Variants in EIF4ENIF1 observed in about 807,000 individuals in gnomAD.
EIF4ENIF1 encodes the protein eukaryotic translation initiation factor 4E transporter.
In EIF4ENIF1, 23 loss-of-function variants were observed where a neutral mutation model predicts 110.5. The ratio of observed to expected loss-of-function variants is 0.21; its 90% CI spans 0.15 to 0.29. The LOEUF is 0.29. EIF4ENIF1 is among the 10% of genes least tolerant of loss of function. The pLI, the probability that EIF4ENIF1 is intolerant of heterozygous loss-of-function variation, is 1.00. For synonymous variants in EIF4ENIF1, 440 were observed against 437.0 expected, an observed-to-expected ratio of 1.01 and a Z score of -0.09; for missense variants, 1,031 against 1,221.1, an observed-to-expected ratio of 0.84 and a Z score of 2.32.
At chr22:31,467,532 T>C (rs1310466255) in intron 4 of EIF4ENIF1, among the ~76,000 whole-genome samples, 1 of 152,100 alleles carries the variant, frequency 6.6e-6, no homozygotes, top group Admixed American at 6.6e-5. Flanking sequence ...AATTAAGAAT[T>C]GCCAGAACTA....
chr22:31,477,719 A>G (rs2051643379), intron 2 of EIF4ENIF1, among the ~76,000 whole-genome samples: 1 of 152,194 alleles, frequency 6.6e-6, no homozygotes, highest in South Asian at 2.1e-4. Context: ...GACCAAATAC[A>G]ATGGCTAAAA....
In EIF4ENIF1 at chr22:31,450,801, TACACATACATATAC is replaced by T. The variant is rs1369500187; in HGVS notation, c.1513-455_1513-442del. 3.0e-3 allele frequency: 575 copies of T among 188,574 alleles called. 17 individuals carry two copies. Among genetic ancestry groups the T allele is most frequent in the Admixed American group, 0.03 (509 of 17,100 alleles). The allele number at this position is 188,574 out of a possible 1,614,324, so 11.7% of individuals were successfully genotyped here. A position where few individuals can be genotyped will look rare whatever the true frequency, so the allele number is the denominator to read the frequency against. On this transcript the variant is annotated intron_variant, in intron 10 of 18. Transcript: ENST00000330125. ...ATACACACACATATACACATATACA[TACACATACATATAC>T]ACACATACATACACACATATATATA...
At chr22:31,486,645 G>A (rs895134717) in intron 2 of EIF4ENIF1, among the ~76,000 whole-genome samples, 3 of 147,748 alleles carry the variant, frequency 2.0e-5, no homozygotes, top group African/African-American at 7.5e-5. Context: ...TGGGCATGGT[G>A]GCGCACGCCT....
intron 10 of EIF4ENIF1, among the ~76,000 whole-genome samples, chr22:31,451,775 C>T (rs1187619257): frequency 1.3e-5 from 2 of 151,596 alleles, no homozygotes; most frequent in South Asian, 2.1e-4. Context: ...TATAGGTGTA[C>T]ACCACCAGGC....
At chr22:31,474,698 CAT>C (rs1437595066) in intron 2 of EIF4ENIF1, among the ~76,000 whole-genome samples, 2 of 151,964 alleles carry the variant, frequency 1.3e-5, no homozygotes, top group African/African-American at 4.8e-5. Flanking sequence ...CATATACACA[CAT>C]ATATATACAC....
At chr22:31,449,612 G>A in intron 11 of EIF4ENIF1, 81 bp from the exon 12 acceptor site, 1 of 1,336,470 alleles carries the variant, frequency 7.5e-7, no homozygotes, top group Non-Finnish European at 1.0e-6. Flanking sequence ...TAACTTTTGA[G>A]AGCCACAAGA....
Position 31,448,194 on chromosome 22 carries a change from A to G in EIF4ENIF1, c.1807T>C (p.Phe603Leu), listed in dbSNP as rs2050535408. The G allele has an allele frequency of 1.9e-6, 3 of 1,614,040 alleles. No individual in the cohort carries two copies. The highest frequency in any genetic ancestry group is 3.3e-4 in the Middle Eastern group (2 of 6,084). The change falls in exon 13 of 19, where the codon TTC becomes CTC. Residue 603 changes from phenylalanine (F) to leucine (L), a missense_variant. Coordinates refer to ENST00000330125, the MANE Select transcript of EIF4ENIF1 (RefSeq NM_019843.4). ...CTCATGGGTTTGCGCATGCCTTGGA[A>G]TGGATCTCCGAGTAGCTGCTGTGGT... ...PGPQQLLGDPFQGMRKPMSPI... is the reference protein window; with the variant it reads ...PGPQQLLGDPLQGMRKPMSPI...
rs1196724433 is a variant in EIF4ENIF1, at chr22:31,450,841, T to TAAC, written c.1513-482_1513-481insGTT. ...ACACATACATACACACATATATATATACTACACACACACACACACACACAC... is the reference window on the plus strand; with the variant it reads ...ACACATACATACACACATATATATATAACACTACACACACACACACACACACAC... On this transcript the variant is annotated intron_variant, in intron 10 of 18. Transcript: ENST00000330125. The TAAC allele has an allele frequency of 7.5e-5, 6 of 80,288 alleles. No homozygotes were observed. The South Asian group carries it at 1.3e-3, about 17-fold the overall frequency. 5.0% of individuals were successfully genotyped at this position (80,288 alleles called of 1,614,324 possible). A position where few individuals can be genotyped will look rare whatever the true frequency, so the allele number is the denominator to read the frequency against.
intron 6 of EIF4ENIF1, chr22:31,461,923 A>G (rs2051007617): frequency 6.7e-6 from 1 of 149,088 alleles, no homozygotes; most frequent in African/African-American, 2.4e-5. Flanking sequence ...TTGCTCATCT[A>G]TGAAATGGGC....
At position 31,470,942 on chromosome 22, in the gene EIF4ENIF1, G is replaced by A. The variant is rs1601623607; in HGVS notation, c.170+902C>T. On this transcript the variant is annotated intron_variant, in intron 3 of 18. Transcript: ENST00000330125. Reference sequence around the variant, plus strand: ...CAGGAGAATCGCTTGAACCTGGGAGGTGGAGGTTGCAGTGAGCCCAGATCG... The same window carrying A: ...CAGGAGAATCGCTTGAACCTGGGAGATGGAGGTTGCAGTGAGCCCAGATCG... Among the ~76,000 whole-genome samples the A allele has an allele frequency of 1.3e-5, 2 of 151,246 alleles. 1 individual carries two copies.
intron 2 of EIF4ENIF1, among the ~76,000 whole-genome samples, chr22:31,485,035 A>G (rs1348363327): frequency 6.6e-6 from 1 of 152,198 alleles, no homozygotes; most frequent in Non-Finnish European, 1.5e-5. Flanking sequence ...TAATCATTTC[A>G]AGCTCTCTTT....
chr22:31,465,129 G>A (rs1388698382), intron 4 of EIF4ENIF1, among the ~76,000 whole-genome samples: 1 of 151,950 alleles, frequency 6.6e-6, no homozygotes, highest in East Asian at 1.9e-4. Context: ...TTCGAGACTA[G>A]CCTGACCAAC....
chr22:31,488,754 T>C lies in EIF4ENIF1; in HGVS notation c.-27-9A>G. On this transcript the variant is annotated splice_polypyrimidine_tract_variant and intron_variant, in intron 1 of 18. Transcript: ENST00000330125. ...TCTACAATGCTCTGCACCTGGAAGATAAATCGGCACAAAATTGTCACCGAG... is the reference window on the plus strand; with the variant it reads ...TCTACAATGCTCTGCACCTGGAAGACAAATCGGCACAAAATTGTCACCGAG... The C allele has an allele frequency of 6.3e-7, 1 of 1,592,206 alleles. No homozygotes were observed. Among genetic ancestry groups the C allele is most frequent in the Non-Finnish European group, 8.5e-7 (1 of 1,171,464 alleles).
chr22:31,475,649 G>A lies in EIF4ENIF1; in HGVS notation c.97-3732C>T, dbSNP rs77791344. 2.6e-3 allele frequency among the ~76,000 whole-genome samples: 389 copies of A among 151,806 alleles called. 1 individual carries two copies. Among genetic ancestry groups the A allele is most frequent in the African/African-American group, 9.2e-3 (379 of 41,356 alleles). On this transcript the variant is annotated intron_variant, in intron 2 of 18. Transcript: ENST00000330125. ...CGCCTGTAATCCCAGCTACCTGTAGGGAGGCTGAGGTTGCAGTGATCTGAG... is the reference window on the plus strand; with the variant it reads ...CGCCTGTAATCCCAGCTACCTGTAGAGAGGCTGAGGTTGCAGTGATCTGAG...
In EIF4ENIF1 at chr22:31,439,749, G is replaced by A. The variant is rs2050234169; in HGVS notation, c.*131C>T. Reference sequence around the variant, plus strand: ...CATCATAATGCGGACCACACCAGATGCATGGGTTCCACCAAACAGCTTCAC... The same window carrying A: ...CATCATAATGCGGACCACACCAGATACATGGGTTCCACCAAACAGCTTCAC... On this transcript the variant is annotated 3_prime_UTR_variant, in exon 19 of 19. Coordinates refer to ENST00000330125, the MANE Select transcript of EIF4ENIF1 (RefSeq NM_019843.4). The A allele has an allele frequency of 7.6e-7, 1 of 1,313,062 alleles. No homozygotes were observed. The highest frequency in any genetic ancestry group is 1.5e-5 in the African/African-American group (1 of 68,082). The allele number at this position is 1,313,062 out of a possible 1,614,324, so 81.3% of individuals were successfully genotyped here. A position where few individuals can be genotyped will look rare whatever the true frequency, so the allele number is the denominator to read the frequency against.
At chr22:31,471,224 TGAG>T (rs2051365840) in intron 3 of EIF4ENIF1, among the ~76,000 whole-genome samples, 1 of 150,952 alleles carries the variant, frequency 6.6e-6, no homozygotes, top group African/African-American at 2.4e-5. Flanking sequence ...AGAGCGCCCC[TGAG>T]CAGCATACCT....
intron 6 of EIF4ENIF1, among the ~76,000 whole-genome samples, chr22:31,462,447 T>A (rs1459262453): frequency 6.7e-6 from 1 of 150,298 alleles, no homozygotes; most frequent in Non-Finnish European, 1.5e-5. Context: ...ATGGTGCCAC[T>A]GCACTCCAGC....
intron 5 of EIF4ENIF1, 136 bp from the exon 6 acceptor site, chr22:31,463,269 C>T (rs2051057990): frequency 1.3e-6 from 1 of 765,260 alleles, no homozygotes; most frequent in African/African-American, 1.8e-5. Flanking sequence ...CCACCCCCAC[C>T]CCTTCCTCCC....
At chr22:31,482,449 C>T (rs572729793) in intron 2 of EIF4ENIF1, among the ~76,000 whole-genome samples, 2 of 151,034 alleles carry the variant, frequency 1.3e-5, no homozygotes, top group Admixed American at 6.6e-5. Flanking sequence ...TGGCAGGCCA[C>T]GGCAGGTGGA....
Sources: gnomAD v4.1 joint callset for allele counts (sites outside exome capture counted in the v4.1 genomes callset) on GRCh38, gnomAD v4.1.1 for gene constraint, MANE v1.5 for transcripts, NCBI Gene and HGNC (gene_info 2026-07-23, HGNC 2026-07-21) for gene names.